Variants in MUC7 observed in about 807,000 individuals in gnomAD.
MUC7 encodes the protein mucin 7, secreted.
MUC7 carries 2 observed loss-of-function variants against 2.5 expected under a neutral mutation model. The observed-to-expected ratio is 0.81, with a 90% CI of 0.33 to 2.55. The LOEUF (loss-of-function observed/expected upper bound fraction) is 2.55, where lower values mean the gene tolerates loss of function less well. Ranked by LOEUF, MUC7 falls within the 30% of genes most tolerant of loss-of-function variation. The pLI is 0.11. For synonymous variants in MUC7, 133 were observed against 173.4 expected, an observed-to-expected ratio of 0.77 and a Z score of 1.83; for missense variants, 408 against 455.6, an observed-to-expected ratio of 0.90 and a Z score of 0.95.
chr4:70,463,222 T>A (rs2109729115), intron 1 of MUC7, among the ~76,000 whole-genome samples: 1 of 152,268 alleles, frequency 6.6e-6, no homozygotes, highest in South Asian at 2.1e-4. Context: ...TAAAATAATA[T>A]TGACACAACA....
intron 1 of MUC7, among the ~76,000 whole-genome samples, chr4:70,445,796 C>T (rs542691936): frequency 2.6e-5 from 4 of 152,212 alleles, no homozygotes; most frequent in Non-Finnish European, 5.9e-5. Context: ...GCAAACCTAA[C>T]TTGCATATTC....
At chr4:70,461,963 G>A (rs1734568035) in intron 1 of MUC7, among the ~76,000 whole-genome samples, 1 of 152,218 alleles carries the variant, frequency 6.6e-6, no homozygotes, top group African/African-American at 2.4e-5. Context: ...AGTAACACCA[G>A]CACTTTGAGA....
upstream of MUC7, among the ~76,000 whole-genome samples, chr4:70,470,268 G>C (rs548237635): frequency 6.6e-6 from 1 of 152,186 alleles, no homozygotes; most frequent in African/African-American, 2.4e-5. Context: ...CAGGTGGGGG[G>C]CTGGGGGAGG....
chr4:70,476,022 C>A (rs535917634), intron 2 of MUC7, among the ~76,000 whole-genome samples: 7 of 152,276 alleles, frequency 4.6e-5, no homozygotes, highest in African/African-American at 1.2e-4. Flanking sequence ...TGTTTACCAT[C>A]CAGATGAATC....
chr4:70,444,678 T>C, intron 1 of MUC7, among the ~76,000 whole-genome samples: 1 of 152,246 alleles, frequency 6.6e-6, no homozygotes, highest in African/African-American at 2.4e-5. Flanking sequence ...ATATAATCCC[T>C]GTTGCAGTTA....
At chr4:70,457,074 G>T (rs1734433195) in intron 1 of MUC7, among the ~76,000 whole-genome samples, 1 of 152,158 alleles carries the variant, frequency 6.6e-6, no homozygotes, top group Admixed American at 6.5e-5. Flanking sequence ...CTGGGAAGTG[G>T]TAATTAAGGG....
intron 1 of MUC7, among the ~76,000 whole-genome samples, chr4:70,444,546 C>T (rs1734082605): frequency 2.6e-5 from 4 of 152,216 alleles, no homozygotes; most frequent in South Asian, 4.1e-4. Context: ...TCAACCTCCC[C>T]ATCTAATACT....
intron 1 of MUC7, among the ~76,000 whole-genome samples, chr4:70,437,279 C>T (rs759729847): frequency 6.6e-5 from 10 of 152,176 alleles, no homozygotes; most frequent in Non-Finnish European, 1.5e-4. Flanking sequence ...CTGTCTGCTG[C>T]CTTTTGTTCA....
chr4:70,431,942 C>A (rs1733678850), intron 1 of MUC7, among the ~76,000 whole-genome samples: 2 of 152,246 alleles, frequency 1.3e-5, no homozygotes, highest in African/African-American at 4.8e-5. Context: ...ATTCCCCTTC[C>A]TGTGTCCAAG....
intron 1 of MUC7, among the ~76,000 whole-genome samples, chr4:70,440,351 T>C (rs1733970679): frequency 6.6e-6 from 1 of 152,194 alleles, no homozygotes; most frequent in Admixed American, 6.5e-5. Flanking sequence ...AGTGGAGGAA[T>C]ATACAATAAT....
intron 1 of MUC7, among the ~76,000 whole-genome samples, chr4:70,446,816 T>G (rs963469609): frequency 2.6e-5 from 4 of 152,224 alleles, no homozygotes; most frequent in Non-Finnish European, 4.4e-5. Flanking sequence ...TAGAACAGAA[T>G]GTTGGTTTAG....
chr4:70,467,765 T>C (rs1734717961), upstream of MUC7, among the ~76,000 whole-genome samples: 1 of 152,148 alleles, frequency 6.6e-6, no homozygotes, highest in South Asian at 2.1e-4. Flanking sequence ...GAGGCAGTAA[T>C]TAATAGTCTA....
upstream of MUC7, among the ~76,000 whole-genome samples, chr4:70,468,165 A>G (rs1275582342): frequency 1.3e-5 from 2 of 152,208 alleles, no homozygotes; most frequent in Non-Finnish European, 2.9e-5. Context: ...CCACATGATT[A>G]TCTCAACAGA....
upstream of MUC7, among the ~76,000 whole-genome samples, chr4:70,468,042 C>A (rs1048765233): frequency 1.3e-5 from 2 of 152,102 alleles, no homozygotes; most frequent in Admixed American, 1.3e-4. Context: ...AGCAGCACAT[C>A]AAAAGGCTTA....
At position 70,432,764 on chromosome 4, in the gene MUC7, C is replaced by T. The variant is rs867473143; in HGVS notation, c.-93+2077C>T. ...AGATCCCATTTGTCAATTTTGGCTT[C>T]TGTTGCCATTGCTTTTGGTGTAGAC... is the stretch of plus-strand genomic sequence containing the variant. On this transcript the variant is annotated intron_variant, in intron 1 of 3. Transcript: ENST00000413702. 5.7e-3 allele frequency among the ~76,000 whole-genome samples: 861 copies of T among 152,154 alleles called. 12 individuals are homozygous for T. Among genetic ancestry groups the T allele is most frequent in the African/African-American group, 0.02 (834 of 41,516 alleles).
chr4:70,469,099 A>G (rs1263908043), upstream of MUC7, among the ~76,000 whole-genome samples: 3 of 152,068 alleles, frequency 2.0e-5, no homozygotes, highest in African/African-American at 4.8e-5. Flanking sequence ...CAGAAATAAC[A>G]CCACACATCT....
chr4:70,448,015 C>T (rs1734187847), intron 1 of MUC7, among the ~76,000 whole-genome samples: 1 of 152,100 alleles, frequency 6.6e-6, no homozygotes, highest in South Asian at 2.1e-4. Context: ...TTTTTAGCTC[C>T]CACAAATAGG....
intron 1 of MUC7, among the ~76,000 whole-genome samples, chr4:70,465,085 C>T (rs969984679): frequency 1.1e-4 from 16 of 152,198 alleles, no homozygotes; most frequent in African/African-American, 3.4e-4. Flanking sequence ...CTGCAGCCTC[C>T]GCTGGTGATA....
intron 1 of MUC7, among the ~76,000 whole-genome samples, chr4:70,462,223 AAGAGAGAG>A (rs10567989): frequency 1.3e-4 from 19 of 149,620 alleles, no homozygotes; most frequent in African/African-American, 3.9e-4. Flanking sequence ...AAAAAAAAGA[AAGAGAGAG>A]AGAGAGAGAG....
Sources: gnomAD v4.1 joint callset for allele counts (sites outside exome capture counted in the v4.1 genomes callset) on GRCh38, gnomAD v4.1.1 for gene constraint, MANE v1.5 for transcripts, NCBI Gene and HGNC (gene_info 2026-07-23, HGNC 2026-07-21) for gene names.